Variants in DAAM2 observed in about 807,000 individuals in gnomAD.
DAAM2 encodes dishevelled associated activator of morphogenesis 2, also known as disheveled-associated activator of morphogenesis 2.
Under a neutral mutation model 120.7 loss-of-function variants are expected in DAAM2, and 39 were observed. The ratio of observed to expected loss-of-function variants is 0.32; its 90% confidence interval spans 0.25 to 0.42. The LOEUF (loss-of-function observed/expected upper bound fraction) is 0.42, where lower values mean the gene tolerates loss of function less well. DAAM2 is among the 10% of genes least tolerant of loss of function. The pLI is 1.00. For missense variants in DAAM2, 1,283 were observed against 1,401.7 expected, an observed-to-expected ratio of 0.92 and a Z score of 1.35; for synonymous variants, 488 against 524.9, an observed-to-expected ratio of 0.93 and a Z score of 0.96.
chr6:39,798,987 C>G (rs552509340), intron 1 of DAAM2, among the ~76,000 whole-genome samples: 60 of 152,302 alleles, frequency 3.9e-4, no homozygotes, highest in African/African-American at 1.3e-3. Context: ...GAAGCCAAAC[C>G]ATATCAACTA....
intron 22 of DAAM2, 101 bp downstream of exon 22, chr6:39,899,038 T>C (rs73732313): frequency 1.2e-4 from 40 of 322,204 alleles, no homozygotes; most frequent in Non-Finnish European, 1.7e-4. Context: ...AAACAATGGG[T>C]ACAGCCTCTA....
At chr6:39,840,941 C>T (rs945547579) in intron 1 of DAAM2, among the ~76,000 whole-genome samples, 13 of 142,258 alleles carry the variant, frequency 9.1e-5, no homozygotes, top group African/African-American at 3.4e-4. Flanking sequence ...GGAAGTGAGG[C>T]TTGCTAGGTG....
intron 10 of DAAM2, 66 bp from the exon 11 acceptor site, chr6:39,875,264 A>C (rs1480821736): frequency 1.3e-6 from 2 of 1,554,286 alleles, no homozygotes; most frequent in Non-Finnish European, 8.7e-7. Context: ...CCAGGCAGCA[A>C]CTCTAGGGTG....
At chr6:39,795,057 G>A (rs1302552179) in intron 1 of DAAM2, among the ~76,000 whole-genome samples, 1 of 152,158 alleles carries the variant, frequency 6.6e-6, no homozygotes, top group South Asian at 2.1e-4. Context: ...TTCTGGGCTT[G>A]TACTAGGAGA....
chr6:39,863,804 G>A (rs1199949258), intron 3 of DAAM2, among the ~76,000 whole-genome samples: 1 of 152,170 alleles, frequency 6.6e-6, no homozygotes, highest in Admixed American at 6.5e-5. Flanking sequence ...CCTCCCCGCT[G>A]CACATCCCCC....
intron 1 of DAAM2, chr6:39,821,871 G>A (rs1762500341): frequency 6.6e-6 from 1 of 152,338 alleles, no homozygotes; most frequent in South Asian, 2.1e-4. Context: ...CCCTGTGAGT[G>A]TATCTCAGGA....
In DAAM2 at chr6:39,898,864, T is replaced by C. The variant is rs761220327; in HGVS notation, c.2619-13T>C. On this transcript the variant is annotated splice_polypyrimidine_tract_variant and intron_variant, in intron 21 of 24. Coordinates refer to ENST00000274867, the MANE Select transcript of DAAM2 (RefSeq NM_001201427.2). ...GATGGTCCTCATTCCCTTCCCTCTG[T>C]GTCTCCTTACAGCCTAGCAGAACTG... 6.2e-7 allele frequency: 1 copy of C among 1,609,524 alleles called. No individual in the cohort carries two copies. The highest frequency in any genetic ancestry group is 8.5e-7 in the Non-Finnish European group (1 of 1,177,274).
At chr6:39,895,306 G>A (rs1766010532) in intron 19 of DAAM2, among the ~76,000 whole-genome samples, 1 of 151,878 alleles carries the variant, frequency 6.6e-6, no homozygotes, top group Non-Finnish European at 1.5e-5. Flanking sequence ...TGTGATCTCG[G>A]CTCACTGCAA....
At chr6:39,857,998 T>C (rs1764074019) in intron 2 of DAAM2, among the ~76,000 whole-genome samples, 1 of 152,026 alleles carries the variant, frequency 6.6e-6, no homozygotes, top group African/African-American at 2.4e-5. Context: ...AGCTGTATTC[T>C]AGACTGGGAG....
chr6:39,891,526 G>T, intron 18 of DAAM2, 79 bp downstream of exon 18: 1 of 1,511,150 alleles, frequency 6.6e-7, no homozygotes, highest in Non-Finnish European at 9.0e-7. Context: ...CCAAGAGGAA[G>T]GGGATGGAGG....
chr6:39,874,174 T>C (rs1307075584), intron 10 of DAAM2, among the ~76,000 whole-genome samples: 1 of 152,154 alleles, frequency 6.6e-6, no homozygotes, highest in East Asian at 1.9e-4. Context: ...TTATGTCCAT[T>C]TGAATAGTGA....
chr6:39,807,051 A>G (rs1762029572), intron 1 of DAAM2, among the ~76,000 whole-genome samples: 1 of 152,176 alleles, frequency 6.6e-6, no homozygotes, highest in Admixed American at 6.5e-5. Context: ...ACATATGGAA[A>G]GAAGATATGT....
intron 1 of DAAM2, among the ~76,000 whole-genome samples, chr6:39,843,066 T>G (rs1043434467): frequency 2.0e-5 from 3 of 152,176 alleles, no homozygotes; most frequent in Non-Finnish European, 4.4e-5. Flanking sequence ...AATATAGCAA[T>G]TTATTTTTTA....
chr6:39,811,249 A>G (rs149291576), intron 1 of DAAM2, among the ~76,000 whole-genome samples: 159 of 151,578 alleles, frequency 1.0e-3, no homozygotes, highest in Admixed American at 4.1e-3. Flanking sequence ...CTGGGTATTT[A>G]TAGCTGGATC....
In DAAM2 at chr6:39,879,275, C is replaced by T. The variant is rs753628535; in HGVS notation, c.1643C>T (p.Pro548Leu). ...CTGCCTCCACCCCCTCCTCCTCTGC[C>T]CTTTGCCTGTTGTCCCCCTCCCCCA... ...NDLPPPPPPL[P>L]FACCPPPPPP... Residue 548 changes from proline (P) to leucine (L), a missense_variant, in exon 14 of 25, where the codon CCC (proline) becomes CTC (leucine). Pro to Leu is a moderately conservative substitution (Grantham distance 98). Coordinates refer to ENST00000274867, the MANE Select transcript of DAAM2 (RefSeq NM_001201427.2). 4 of 1,519,534 alleles carry T rather than the reference C, an allele frequency of 2.6e-6. No homozygotes were observed. The East Asian group carries it at 7.2e-5, about 27-fold the overall frequency. 94.1% of individuals were successfully genotyped at this position (1,519,534 alleles called of 1,614,324 possible).
At chr6:39,823,874 T>A (rs1762574589) in intron 1 of DAAM2, among the ~76,000 whole-genome samples, 1 of 152,152 alleles carries the variant, frequency 6.6e-6, no homozygotes, top group African/African-American at 2.4e-5. Flanking sequence ...CTCCATCCTC[T>A]TCCACCTCCT....
intron 1 of DAAM2, among the ~76,000 whole-genome samples, chr6:39,829,749 C>G (rs1425455384): frequency 6.6e-6 from 1 of 152,160 alleles, no homozygotes; most frequent in African/African-American, 2.4e-5. Flanking sequence ...TGAACCTGGT[C>G]CCTGCCCTCA....
At chr6:39,897,660 T>C (rs1006731562) in intron 21 of DAAM2, among the ~76,000 whole-genome samples, 5 of 152,212 alleles carry the variant, frequency 3.3e-5, no homozygotes, top group Admixed American at 2.0e-4. Context: ...AGTGGTCCTC[T>C]GGGTGCACAT....
At position 39,879,421 on chromosome 6, in the gene DAAM2, C is replaced by T. The variant is rs766614312; in HGVS notation, c.1789C>T (p.Arg597Cys). The change falls in exon 14 of 25, where the codon CGT becomes TGT. Residue 597 changes from arginine (R) to cysteine (C), a missense_variant. Physicochemically the swap from Arg to Cys is radical, Grantham distance 180. Transcript: ENST00000274867. The stretch of plus-strand genomic sequence containing the variant: ...CAGTGACGTCCCACTCAGGAAAAAG[C>T]GTGTCCCCCAGCCTTCTCACCCACT... ...PSSDVPLRKK[R>C]VPQPSHPLKS... 9.3e-6 allele frequency: 15 copies of T among 1,613,786 alleles called. No homozygotes were observed. Among genetic ancestry groups the T allele is most frequent in the African/African-American group, 5.3e-5 (4 of 74,908 alleles).
Sources: allele counts gnomAD v4.1 joint callset (sites outside exome capture counted in the v4.1 genomes callset), GRCh38; gene constraint gnomAD v4.1.1; transcripts MANE v1.5; gene names NCBI Gene and HGNC (gene_info 2026-07-23, HGNC 2026-07-21).